Variants in ASTN2 observed in about 807,000 individuals in gnomAD.
ASTN2 encodes the protein astrotactin 2.
ASTN2 carries 54 observed loss-of-function variants against 139.8 expected under a neutral mutation model. The ratio of observed to expected loss-of-function variants is 0.39; its 90% CI spans 0.31 to 0.48. The LOEUF is 0.48. Ranked by LOEUF, ASTN2 falls within the 20% of genes least tolerant of loss-of-function variation. The pLI is 0.95. For synonymous variants in ASTN2, 756 were observed against 719.5 expected (o/e 1.05, Z -0.81); for missense variants, 1,565 against 1,725.1 (o/e 0.91, Z 1.64).
chr9:116,809,358 G>A (rs1831107388), intron 12 of ASTN2, among the ~76,000 whole-genome samples: 1 of 143,028 alleles, frequency 7.0e-6, no homozygotes, highest in Non-Finnish European at 1.6e-5. Flanking sequence ...AATTTGAAAT[G>A]TTATTTTTTT....
chr9:117,070,600 AGT>A (rs1479497130), intron 5 of ASTN2, among the ~76,000 whole-genome samples: 5 of 143,272 alleles, frequency 3.5e-5, no homozygotes, highest in African/African-American at 5.3e-5. Context: ...TATCCTGCAG[AGT>A]GTTTTCCAAC....
chr9:117,214,035 G>A (rs1832227361), intron 3 of ASTN2, among the ~76,000 whole-genome samples: 1 of 152,188 alleles, frequency 6.6e-6, no homozygotes, highest in African/African-American at 2.4e-5. Flanking sequence ...TAATTGTGTG[G>A]AAATGAGATG....
At chr9:116,848,448 A>C (rs1365778181) in intron 11 of ASTN2, among the ~76,000 whole-genome samples, 1 of 152,170 alleles carries the variant, frequency 6.6e-6, no homozygotes, top group Admixed American at 6.5e-5. Flanking sequence ...CCCTCCTCAA[A>C]GCAAACCTAT....
At chr9:117,342,097 C>T (rs1329348417) in intron 1 of ASTN2, among the ~76,000 whole-genome samples, 1 of 152,120 alleles carries the variant, frequency 6.6e-6, no homozygotes, top group Non-Finnish European at 1.5e-5. Flanking sequence ...TTAGCATCTC[C>T]ATTTCATGTC....
chr9:117,309,781 G>A (rs1029533296), intron 1 of ASTN2, among the ~76,000 whole-genome samples: 3 of 152,140 alleles, frequency 2.0e-5, no homozygotes, highest in Non-Finnish European at 4.4e-5. Flanking sequence ...AGGATTAGAA[G>A]ACAAGTGTGG....
At chr9:117,358,631 T>C (rs1163444724) in intron 1 of ASTN2, among the ~76,000 whole-genome samples, 7 of 152,084 alleles carry the variant, frequency 4.6e-5, no homozygotes, top group South Asian at 2.1e-4. Context: ...GAAATTATCA[T>C]GTAATTTACA....
At chr9:117,343,385 GA>G (rs1421104397) in intron 1 of ASTN2, among the ~76,000 whole-genome samples, 2 of 152,146 alleles carry the variant, frequency 1.3e-5, no homozygotes, top group Non-Finnish European at 2.9e-5. Flanking sequence ...GCTCATCCAA[GA>G]AGCTTTCTCG....
intron 6 of ASTN2, among the ~76,000 whole-genome samples, chr9:117,010,694 G>T (rs1037842753): frequency 1.3e-5 from 2 of 149,960 alleles, no homozygotes; most frequent in Non-Finnish European, 3.0e-5. Context: ...GGCAGACACA[G>T]GCATTCAGGA....
At chr9:116,997,477 GT>G (rs1277231337) in intron 7 of ASTN2, among the ~76,000 whole-genome samples, 1 of 151,876 alleles carries the variant, frequency 6.6e-6, no homozygotes, top group Non-Finnish European at 1.5e-5. Flanking sequence ...CAGTATTTTT[GT>G]TTTTTTCAAG....
intron 19 of ASTN2, among the ~76,000 whole-genome samples, chr9:116,490,044 G>A (rs749029581): frequency 5.2e-4 from 79 of 152,054 alleles, no homozygotes; most frequent in Admixed American, 9.8e-4. Context: ...TGCATTTGGA[G>A]TCTACAGAGT....
intron 13 of ASTN2, among the ~76,000 whole-genome samples, chr9:116,747,121 C>T (rs1238202575): frequency 6.6e-6 from 1 of 152,186 alleles, no homozygotes; most frequent in East Asian, 1.9e-4. Context: ...AAGCTAATAT[C>T]TATTCATCGT....
At chr9:117,017,533 AT>A (rs1837749421) in intron 6 of ASTN2, among the ~76,000 whole-genome samples, 1 of 152,188 alleles carries the variant, frequency 6.6e-6, no homozygotes, top group South Asian at 2.1e-4. Flanking sequence ...TTGCTGTACG[AT>A]TCTAGAACAA....
chr9:116,784,816 T>A (rs1272547107), intron 13 of ASTN2, among the ~76,000 whole-genome samples: 1 of 151,504 alleles, frequency 6.6e-6, no homozygotes, highest in African/African-American at 2.4e-5. Context: ...GTGATCCCAG[T>A]TACTCGGGAG....
intron 5 of ASTN2, among the ~76,000 whole-genome samples, chr9:117,041,917 C>T (rs1051420274): frequency 1.3e-5 from 2 of 152,186 alleles, no homozygotes; most frequent in Admixed American, 6.5e-5. Flanking sequence ...GGTAGATAAA[C>T]TACCCATATT....
At chr9:117,117,230 C>T (rs1012928797) in intron 4 of ASTN2, among the ~76,000 whole-genome samples, 1 of 152,068 alleles carries the variant, frequency 6.6e-6, no homozygotes, top group South Asian at 2.1e-4. Flanking sequence ...AAAGTTTCTA[C>T]ACAAACACCA....
chr9:117,135,063 T>C (rs1829918272), intron 4 of ASTN2, among the ~76,000 whole-genome samples: 1 of 152,212 alleles, frequency 6.6e-6, no homozygotes, highest in African/African-American at 2.4e-5. Context: ...GCAGCACTGA[T>C]GACACAGAAA....
In ASTN2 at chr9:117,016,653, T is replaced by TGTTAC. The variant is rs1266319716; in HGVS notation, c.1424-8395_1424-8394insGTAAC. Among the ~76,000 whole-genome samples, 67 of 103,756 alleles carry TGTTAC rather than the reference T, an allele frequency of 6.5e-4. 1 individual carries two copies. The highest frequency in any genetic ancestry group is 7.2e-4 in the Non-Finnish European group (38 of 52,742). The allele number at this position is 103,756 out of a possible 152,430, so 68.1% of individuals were successfully genotyped here. A position where few individuals can be genotyped will look rare whatever the true frequency, so the allele number is the denominator to read the frequency against. On this transcript the variant is annotated intron_variant, in intron 6 of 22. Coordinates refer to ENST00000313400, the MANE Select transcript of ASTN2 (RefSeq NM_001365068.1). ...ATATATATATATATATATATATATA[T>TGTTAC]ATAACCTATATATATGTTACATATA...
chr9:116,734,826 T>C (rs759849191), intron 13 of ASTN2, among the ~76,000 whole-genome samples: 1 of 152,160 alleles, frequency 6.6e-6, no homozygotes, highest in Admixed American at 6.5e-5. Context: ...TTGAAGCTCA[T>C]CATCAATTCA....
chr9:117,380,943 A>C (rs1477412936), intron 1 of ASTN2, among the ~76,000 whole-genome samples: 1 of 152,212 alleles, frequency 6.6e-6, no homozygotes, highest in Non-Finnish European at 1.5e-5. Flanking sequence ...TCCATGCAAA[A>C]CTTGTACACA....
Sources: gnomAD v4.1 joint callset for allele counts (sites outside exome capture counted in the v4.1 genomes callset) on GRCh38, gnomAD v4.1.1 for gene constraint, MANE v1.5 for transcripts, NCBI Gene and HGNC (gene_info 2026-07-23, HGNC 2026-07-21) for gene names.